SLC24A4: variants seen among roughly 807,000 people sequenced by gnomAD.
The protein encoded by SLC24A4 is solute carrier family 24 member 4, also known as sodium/potassium/calcium exchanger 4.
A neutral mutation model predicts 79.0 loss-of-function variants in SLC24A4; 53 were observed. That is an observed-to-expected ratio of 0.67 (90% CI 0.54 to 0.84). SLC24A4 has a LOEUF of 0.84. Among genes scored for constraint, SLC24A4 ranks in the 40% least tolerant of loss-of-function variants. The probability of loss-of-function intolerance (pLI) is 0.00; values close to 1 mark genes in which losing one functional copy is unlikely to be tolerated. For missense variants in SLC24A4, 731 were observed against 822.0 expected, an observed-to-expected ratio of 0.89 and a Z score of 1.35; for synonymous variants, 323 against 323.8, an observed-to-expected ratio of 1.00 and a Z score of 0.03.
intron 2 of SLC24A4, among the ~76,000 whole-genome samples, chr14:92,423,270 G>C (rs1360846717): frequency 6.6e-6 from 1 of 151,980 alleles, no homozygotes; most frequent in African/African-American, 2.4e-5. Flanking sequence ...TCAGCCTCCT[G>C]AGTAGCTGGG....
In SLC24A4 at chr14:92,442,710, C is replaced by A; in HGVS notation, c.479-3C>A. On this transcript the variant is annotated splice_region_variant and splice_polypyrimidine_tract_variant and intron_variant, in intron 5 of 16. Transcript: ENST00000532405. ...GCCCAGGGTCTGTGTGTTTCCTTTC[C>A]AGGGGTGTTCATCACCCATGGGGAC... 1 of 1,609,710 alleles carries A rather than the reference C, an allele frequency of 6.2e-7. No individual in the cohort carries two copies. The highest frequency in any genetic ancestry group is 8.5e-7 in the Non-Finnish European group (1 of 1,176,026).
chr14:92,405,576 A>G (rs921802767), intron 2 of SLC24A4, among the ~76,000 whole-genome samples: 1 of 152,202 alleles, frequency 6.6e-6, no homozygotes, highest in African/African-American at 2.4e-5. Flanking sequence ...CACAGGCTTA[A>G]CAGGAAGCAT....
At chr14:92,369,779 G>A (rs1490776363) in intron 2 of SLC24A4, among the ~76,000 whole-genome samples, 1 of 152,156 alleles carries the variant, frequency 6.6e-6, no homozygotes, top group African/African-American at 2.4e-5. Flanking sequence ...CTACCTGCTA[G>A]ATGCCAATAG....
intron 12 of SLC24A4, among the ~76,000 whole-genome samples, chr14:92,469,600 T>C (rs12878801): frequency 0.67 from 101,251 of 152,056 alleles, 35,087 homozygotes; most frequent in Non-Finnish European, 0.76. Context: ...TATGTCCACA[T>C]GCAAACTTAT....
At chr14:92,340,192 C>T (rs1232894280) in intron 2 of SLC24A4, among the ~76,000 whole-genome samples, 1 of 152,232 alleles carries the variant, frequency 6.6e-6, no homozygotes, top group Non-Finnish European at 1.5e-5. Flanking sequence ...CCAAAGTATG[C>T]ACCCAGCAGG....
At chr14:92,482,564 C>T in intron 12 of SLC24A4, 116 bp from the exon 13 acceptor site, 1 of 988,476 alleles carries the variant, frequency 1.0e-6, no homozygotes, top group South Asian at 1.7e-5. Context: ...CCTAGAGTCA[C>T]ATCGGTGGCA....
intron 2 of SLC24A4, among the ~76,000 whole-genome samples, chr14:92,410,666 G>A (rs1276078400): frequency 2.0e-5 from 3 of 152,286 alleles, no homozygotes; most frequent in Non-Finnish European, 1.5e-5. Context: ...ACAATTCTAA[G>A]AGGTAGATGC....
chr14:92,472,698 T>A (rs1225121575), intron 12 of SLC24A4, among the ~76,000 whole-genome samples: 1 of 152,216 alleles, frequency 6.6e-6, no homozygotes, highest in Non-Finnish European at 1.5e-5. Context: ...TGATGAGCAT[T>A]TGGGCTGGTT....
At chr14:92,385,788 C>T (rs1889124052) in intron 2 of SLC24A4, among the ~76,000 whole-genome samples, 1 of 152,182 alleles carries the variant, frequency 6.6e-6, no homozygotes, top group African/African-American at 2.4e-5. Flanking sequence ...CTGGGTGTCG[C>T]AAGGACAGCA....
chr14:92,379,723 C>T (rs1256069392), intron 2 of SLC24A4, among the ~76,000 whole-genome samples: 1 of 152,078 alleles, frequency 6.6e-6, no homozygotes, highest in Non-Finnish European at 1.5e-5. Flanking sequence ...TGATGGAGCT[C>T]GGAGCTTGTT....
intron 2 of SLC24A4, among the ~76,000 whole-genome samples, chr14:92,404,861 C>T (rs1028354778): frequency 1.3e-4 from 20 of 152,154 alleles, no homozygotes; most frequent in African/African-American, 4.6e-4. Context: ...CTCTCTTGTC[C>T]TCTCCTTTAT....
intron 2 of SLC24A4, among the ~76,000 whole-genome samples, chr14:92,394,003 T>A (rs1450003714): frequency 1.3e-5 from 2 of 151,180 alleles, no homozygotes; most frequent in East Asian, 4.0e-4. Flanking sequence ...AGAGCGAGAT[T>A]TGGTCCCAGA....
chr14:92,377,944 A>G (rs1595186771), intron 2 of SLC24A4, among the ~76,000 whole-genome samples: 2 of 146,704 alleles, frequency 1.4e-5, no homozygotes, highest in African/African-American at 5.1e-5. Flanking sequence ...CCTAACAGAA[A>G]GGGGGGACGA....
chr14:92,332,308 A>G (rs1885526721), intron 2 of SLC24A4, among the ~76,000 whole-genome samples: 1 of 152,040 alleles, frequency 6.6e-6, no homozygotes, highest in South Asian at 2.1e-4. Flanking sequence ...AAAAACCAAT[A>G]TGTGTTAATC....
chr14:92,385,496 T>TAAA (rs56777130), intron 2 of SLC24A4, among the ~76,000 whole-genome samples: 42,836 of 145,392 alleles, frequency 0.29, 7,407 homozygotes, highest in African/African-American at 0.5. Flanking sequence ...ACTCCGTCTT[T>TAAA]AAAAAAAAAA....
chr14:92,478,413 A>G (rs774922686), intron 12 of SLC24A4, among the ~76,000 whole-genome samples: 1 of 152,104 alleles, frequency 6.6e-6, no homozygotes, highest in Non-Finnish European at 1.5e-5. Flanking sequence ...TTCCTATTGA[A>G]TTGTCTTGAT....
At chr14:92,486,871 C>T (rs1048268977) in intron 14 of SLC24A4, 91 bp downstream of exon 14, 20 of 842,366 alleles carry the variant, frequency 2.4e-5, no homozygotes, top group Non-Finnish European at 3.4e-5. Flanking sequence ...AGTTGTGGCT[C>T]TTATGACTGG....
intron 2 of SLC24A4, among the ~76,000 whole-genome samples, chr14:92,355,719 C>CT (rs1887142205): frequency 6.6e-6 from 1 of 152,190 alleles, no homozygotes; most frequent in Admixed American, 6.5e-5. Context: ...GTTATCATAC[C>CT]TTGGAGGATC....
At chr14:92,352,757 G>A (rs10782477) in intron 2 of SLC24A4, among the ~76,000 whole-genome samples, 108,184 of 152,096 alleles carry the variant, frequency 0.71, 39,917 homozygotes, top group East Asian at 0.93. Context: ...TTAAATTAGA[G>A]CAAGTTAGAG....
Sources: allele counts gnomAD v4.1 joint callset (sites outside exome capture counted in the v4.1 genomes callset), GRCh38; gene constraint gnomAD v4.1.1; transcripts MANE v1.5; gene names NCBI Gene and HGNC (gene_info 2026-07-23, HGNC 2026-07-21).